BAG1: variants seen among roughly 807,000 people sequenced by gnomAD.
BAG1 encodes the protein BAG cochaperone 1.
A neutral mutation model predicts 35.5 loss-of-function variants in BAG1; 35 were observed. The observed-to-expected ratio is 0.99, with a 90% CI of 0.75 to 1.31. The LOEUF (loss-of-function observed/expected upper bound fraction) is 1.31, where lower values mean the gene tolerates loss of function less well. Among genes scored for constraint, BAG1 ranks in the 50% most tolerant of loss-of-function variants. The pLI, the probability that BAG1 is intolerant of heterozygous loss-of-function variation, is 0.00. For missense variants in BAG1, 464 were observed against 453.6 expected (o/e 1.02, Z -0.21); for synonymous variants, 191 against 178.9 (o/e 1.07, Z -0.54).
At position 33,255,936 on chromosome 9, in the gene BAG1, G is replaced by A. The variant is rs778574298; in HGVS notation, c.886-9C>T. On this transcript the variant is annotated splice_polypyrimidine_tract_variant and intron_variant, in intron 5 of 6. Coordinates refer to ENST00000634734, the MANE Select transcript of BAG1 (RefSeq NM_004323.6). ...AAATTTTCTGGCAGGATCTATGGAA[G>A]AGTAAGTTGATAATACAAGTTAGTA... 4.4e-6 allele frequency: 7 copies of A among 1,606,330 alleles called. No individual in the cohort carries two copies. The highest frequency in any genetic ancestry group is 6.0e-6 in the Non-Finnish European group (7 of 1,172,916).
At position 33,264,632 on chromosome 9, in the gene BAG1, C is replaced by A. The variant is rs1820671957; in HGVS notation, c.43G>T (p.Glu15Ter). 8 of 1,348,844 alleles carry A rather than the reference C, an allele frequency of 5.9e-6. No individual in the cohort carries two copies. The highest frequency in any genetic ancestry group is 1.5e-5 in the African/African-American group (1 of 64,912). The allele number at this position is 1,348,844 out of a possible 1,614,324, so 83.6% of individuals were successfully genotyped here. A position where few individuals can be genotyped will look rare whatever the true frequency, so the allele number is the denominator to read the frequency against. ...GCGCGCAGCCGGGAACCCAGCCGCT[C>A]CCGGTCGCCTCGCGGTCTCCGCGCC... The change falls in exon 1 of 7, where the codon GAG becomes TAG. Residue 15 changes from glutamate (E) to a stop codon, truncating the protein, a stop_gained. Transcript: ENST00000634734. LOFTEE classifies it high-confidence loss of function.
At chr9:33,257,448 A>G (rs1820479130) in intron 4 of BAG1, 1 of 152,324 alleles carries the variant, frequency 6.6e-6, no homozygotes, top group Admixed American at 6.5e-5. Context: ...AAATTGTCTA[A>G]TGGTTCACTC....
At chr9:33,256,191 CTT>C (rs998047453) in intron 5 of BAG1, among the ~76,000 whole-genome samples, 2 of 152,148 alleles carry the variant, frequency 1.3e-5, no homozygotes, top group Non-Finnish European at 2.9e-5. Flanking sequence ...TTAACACAGA[CTT>C]TGTTCTTTTA....
rs1292940756 is a variant in BAG1, at chr9:33,264,655, GC to G, written c.19del (p.Ala7ArgfsTer66). ...CTCCCGGTCGCCTCGCGGTCTCCGCGCCCCCCCGCGCTGAGCCAGGCCCGCA... is the reference window on the plus strand; with the variant it reads ...CTCCCGGTCGCCTCGCGGTCTCCGCGCCCCCCGCGCTGAGCCAGGCCCGCA... On this transcript the variant is annotated frameshift_variant, in exon 1 of 7. Coordinates refer to ENST00000634734, the MANE Select transcript of BAG1 (RefSeq NM_004323.6). LOFTEE classifies it high-confidence loss of function. The G allele has an allele frequency of 2.3e-5, 31 of 1,341,612 alleles. No homozygotes were observed. The highest frequency in any genetic ancestry group is 5.9e-5 in the South Asian group (3 of 50,546). The allele number at this position is 1,341,612 out of a possible 1,614,324, so 83.1% of individuals were successfully genotyped here.
Position 33,254,921 on chromosome 9 carries a change from C to A in BAG1, c.*298G>T. 17 of 1,095,106 alleles carry A rather than the reference C, an allele frequency of 1.6e-5. No individual in the cohort carries two copies. Among genetic ancestry groups the A allele is most frequent in the Non-Finnish European group, 2.1e-5 (17 of 817,006 alleles). 67.8% of individuals were successfully genotyped at this position (1,095,106 alleles called of 1,614,324 possible). On this transcript the variant is annotated 3_prime_UTR_variant, in exon 7 of 7. Coordinates refer to ENST00000634734, the MANE Select transcript of BAG1 (RefSeq NM_004323.6). Reference sequence around the variant, plus strand: ...AAGGCAAATTAGAGCTCTCACCAGCCCAAAGAAAGCACCCAGAGGTCCAAA... The same window carrying A: ...AAGGCAAATTAGAGCTCTCACCAGCACAAAGAAAGCACCCAGAGGTCCAAA...
rs941597930 is a variant in BAG1 at position 33,257,069 on chromosome 9, T to C, written c.778-161A>G. On this transcript the variant is annotated intron_variant, in intron 4 of 6. Coordinates refer to ENST00000634734, the MANE Select transcript of BAG1 (RefSeq NM_004323.6). ...TAACTCTTGGAAAAATTAAAAAGGC[T>C]GGCCGTGGGCCAGTCCAAGAATTCT... The C allele has an allele frequency of 1.9e-5, 11 of 592,872 alleles. No individual in the cohort carries two copies. The African/African-American group carries it at 2.1e-4, about 11-fold the overall frequency. 36.7% of individuals were successfully genotyped at this position (592,872 alleles called of 1,614,324 possible).
At chr9:33,256,020 C>A (rs1820445531) in intron 5 of BAG1, 93 bp from the exon 6 acceptor site, 10 of 1,178,850 alleles carry the variant, frequency 8.5e-6, no homozygotes, top group Non-Finnish European at 1.3e-5. Flanking sequence ...ACATAAGAAA[C>A]ACCCACAGTA....
In BAG1 at chr9:33,255,282, C is replaced by G. The variant is rs1820428906; in HGVS notation, c.975G>C (p.Val325=). 6.2e-7 allele frequency: 1 copy of G among 1,614,254 alleles called. No individual in the cohort carries two copies. The highest frequency in any genetic ancestry group is 1.3e-5 in the African/African-American group (1 of 75,066). Reference sequence around the variant, plus strand: ...CAGTCTCCTGGCAGATGTTCTGCTCCACTGTGTCACACTCGGCTAGGAATG... The same window carrying G: ...CAGTCTCCTGGCAGATGTTCTGCTCGACTGTGTCACACTCGGCTAGGAATG... Residue 325 remains valine (V), a synonymous_variant, in exon 7 of 7, where the codon GTG becomes GTC. Coordinates refer to ENST00000634734, the MANE Select transcript of BAG1 (RefSeq NM_004323.6).
At position 33,257,811 on chromosome 9, in the gene BAG1, T is replaced by C. The variant is rs945513058; in HGVS notation, c.778-903A>G. 1.1e-4 allele frequency: 16 copies of C among 152,228 alleles called. 1 individual carries two copies. The highest frequency in any genetic ancestry group is 9.2e-4 in the Admixed American group (14 of 15,284). The allele number at this position is 152,228 out of a possible 1,614,324, so 9.4% of individuals were successfully genotyped here. A position where few individuals can be genotyped will look rare whatever the true frequency, so the allele number is the denominator to read the frequency against. ...GGAAAATGTTTAATTTTTTATCCAA[T>C]AAAAGAATAGTTTATAAAGTGTAAA... On this transcript the variant is annotated intron_variant, in intron 4 of 6. Transcript: ENST00000634734.
chr9:33,262,342 T>C, intron 2 of BAG1: 2 of 1,198,256 alleles, frequency 1.7e-6, no homozygotes, highest in Non-Finnish European at 2.1e-6. Flanking sequence ...CCTTTGGCCA[T>C]AAGGAAAAGC....
Position 33,252,606 on chromosome 9 carries a change from C to A in BAG1, c.*2613G>T, listed in dbSNP as rs527377791. ...TAATATAACTATATTACAAGTTATG[C>A]TTGAAATAATGCTGTTACCAAGATA... is the stretch of plus-strand genomic sequence containing the variant. On this transcript the variant is annotated 3_prime_UTR_variant, in exon 7 of 7. Transcript: ENST00000634734. 3 of 151,054 alleles carry A rather than the reference C, an allele frequency of 2.0e-5. No homozygotes were observed. In the East Asian group the frequency reaches 5.8e-4, roughly 29 times the overall value. 9.4% of individuals were successfully genotyped at this position (151,054 alleles called of 1,614,324 possible).
chr9:33,264,554 GA>G lies in BAG1; in HGVS notation c.120del (p.Pro41ArgfsTer32). The stretch of plus-strand genomic sequence containing the variant: ...GCAGGTGGACGCCCAGAGGGAGGCG[GA>G]CCACGCTGGGCCGGGGGCTCCGACT... On this transcript the variant is annotated frameshift_variant, in exon 1 of 7. Coordinates refer to ENST00000634734, the MANE Select transcript of BAG1 (RefSeq NM_004323.6). LOFTEE classifies it high-confidence loss of function. The G allele has an allele frequency of 6.7e-7, 1 of 1,498,902 alleles. No individual in the cohort carries two copies. The highest frequency in any genetic ancestry group is 8.8e-7 in the Non-Finnish European group (1 of 1,130,476). The allele number at this position is 1,498,902 out of a possible 1,614,324, so 92.9% of individuals were successfully genotyped here.
In BAG1 at chr9:33,256,711, AG is replaced by A. The variant is rs1273813335; in HGVS notation, c.885+89del. Reference sequence around the variant, plus strand: ...ATATTCTCAAGTGATGGGTTTGCTCAGGCAATAGGAGAGTAAATTACTGAAA... The same window carrying A: ...ATATTCTCAAGTGATGGGTTTGCTCAGCAATAGGAGAGTAAATTACTGAAA... On this transcript the variant is annotated intron_variant, in intron 5 of 6. Coordinates refer to ENST00000634734, the MANE Select transcript of BAG1 (RefSeq NM_004323.6). 11 of 1,074,424 alleles carry A rather than the reference AG, an allele frequency of 1.0e-5. No individual in the cohort carries two copies. The Admixed American group carries it at 1.9e-4, about 19-fold the overall frequency. 66.6% of individuals were successfully genotyped at this position (1,074,424 alleles called of 1,614,324 possible). A position where few individuals can be genotyped will look rare whatever the true frequency, so the allele number is the denominator to read the frequency against.
chr9:33,255,430 G>A, intron 6 of BAG1, 122 bp from the exon 7 acceptor site: 1 of 1,482,858 alleles, frequency 6.7e-7, no homozygotes, highest in African/African-American at 1.4e-5. Flanking sequence ...GATTGTGCAT[G>A]AATGGAGATG....
At position 33,264,302 on chromosome 9, in the gene BAG1, C is replaced by T. The variant is rs777753765; in HGVS notation, c.373G>A (p.Asp125Asn). 3 of 1,612,658 alleles carry T rather than the reference C, an allele frequency of 1.9e-6. No homozygotes were observed. Among genetic ancestry groups the T allele is most frequent in the South Asian group, 1.1e-5 (1 of 90,952 alleles). The stretch of plus-strand genomic sequence containing the variant: ...TCCTCGCTCCGGGTCGACTCCTCGT[C>T]CCGGGTCACCTCCTGGCTCCGATTC... Residue 125 changes from aspartate to asparagine, a missense_variant, in exon 1 of 7, where the codon GAC becomes AAC. Physicochemically the swap from Asp to Asn is conservative, Grantham distance 23. Coordinates refer to ENST00000634734, the MANE Select transcript of BAG1 (RefSeq NM_004323.6).
chr9:33,263,787 T>C (rs1462200547), intron 1 of BAG1, among the ~76,000 whole-genome samples: 1 of 151,956 alleles, frequency 6.6e-6, no homozygotes, highest in Non-Finnish European at 1.5e-5. Flanking sequence ...AGTACAACGC[T>C]TGGACCCACG....
rs1447003245 is a variant in BAG1, at chr9:33,262,181, AC to A, written c.580+520del. On this transcript the variant is annotated intron_variant, in intron 2 of 6. Coordinates refer to ENST00000634734, the MANE Select transcript of BAG1 (RefSeq NM_004323.6). ...CCATCATCATAAGACTTCAAATCTGACACCTGTCCAGGTGTTTGAGAGTGTC... is the reference window on the plus strand; with the variant it reads ...CCATCATCATAAGACTTCAAATCTGAACCTGTCCAGGTGTTTGAGAGTGTC... 10 of 1,289,772 alleles carry A rather than the reference AC, an allele frequency of 7.8e-6. No homozygotes were observed. In the African/African-American group the frequency reaches 1.4e-4, roughly 18 times the overall value. 79.9% of individuals were successfully genotyped at this position (1,289,772 alleles called of 1,614,324 possible).
At position 33,264,619 on chromosome 9, in the gene BAG1, G is replaced by C; in HGVS notation, c.56C>G (p.Ser19Cys). The C allele has an allele frequency of 1.5e-6, 2 of 1,357,890 alleles. No homozygotes were observed. Among genetic ancestry groups the C allele is most frequent in the Non-Finnish European group, 1.9e-6 (2 of 1,064,264 alleles). 84.1% of individuals were successfully genotyped at this position (1,357,890 alleles called of 1,614,324 possible). ...GCCTGGCCGAAGGGCGCGCAGCCGGGAACCCAGCCGCTCCCGGTCGCCTCG... is the reference window on the plus strand; with the variant it reads ...GCCTGGCCGAAGGGCGCGCAGCCGGCAACCCAGCCGCTCCCGGTCGCCTCG... The change falls in exon 1 of 7, where the codon TCC becomes TGC. Residue 19 changes from serine (S) to cysteine (C), a missense_variant. Coordinates refer to ENST00000634734, the MANE Select transcript of BAG1 (RefSeq NM_004323.6).
chr9:33,262,624 T>C, intron 2 of BAG1, 78 bp downstream of exon 2: 1 of 1,409,212 alleles, frequency 7.1e-7, no homozygotes, highest in East Asian at 2.5e-5. Context: ...GCCATTGCAC[T>C]CCAGCCTGGG....
Sources: allele counts gnomAD v4.1 joint callset (sites outside exome capture counted in the v4.1 genomes callset), GRCh38; gene constraint gnomAD v4.1.1; transcripts MANE v1.5; gene names NCBI Gene and HGNC (gene_info 2026-07-23, HGNC 2026-07-21).